RYK: variants seen among roughly 807,000 people sequenced by gnomAD.
The protein encoded by RYK is receptor like tyrosine kinase, also known as inactive tyrosine-protein kinase RYK.
Under a neutral mutation model 70.2 loss-of-function variants are expected in RYK, and 21 were observed. That is an observed-to-expected ratio of 0.30 (90% CI 0.21 to 0.43). The LOEUF is 0.43. Among genes scored for constraint, RYK ranks in the 20% least tolerant of loss-of-function variants. The probability of loss-of-function intolerance (pLI) is 1.00; values close to 1 mark genes in which losing one functional copy is unlikely to be tolerated. For missense variants in RYK, 604 were observed against 753.3 expected (o/e 0.80, Z 2.32); for synonymous variants, 267 against 278.0 (o/e 0.96, Z 0.39).
Position 134,191,919 on chromosome 3 carries a change from C to A in RYK, c.945G>T (p.Glu315Asp), listed in dbSNP as rs1444554525. The A allele has an allele frequency of 6.2e-7, 1 of 1,613,348 alleles. No individual in the cohort carries two copies. The highest frequency in any genetic ancestry group is 1.3e-5 in the African/African-American group (1 of 75,026). Reference sequence around the variant, plus strand: ...CTATATCCTTCACCTTGCCTTTGGCCTCCAAAAGAGTGACACTTCTCAAGT... The same window carrying A: ...CTATATCCTTCACCTTGCCTTTGGCATCCAAAAGAGTGACACTTCTCAAGT... The part of the protein sequence containing the change: ...KNDLRSVTLL[E>D]AKGKVKDIAI... The change falls in exon 8 of 15, where the codon GAG (glutamate) becomes GAT (aspartate). Residue 315 changes from glutamate to aspartate, a missense_variant. This residue lies in a region of RYK where 466 missense variants were observed against 535.9 expected (regional missense o/e 0.87). Coordinates refer to ENST00000623711, the MANE Select transcript of RYK (RefSeq NM_002958.4).
chr3:134,229,306 C>A (rs1576532546), intron 1 of RYK, among the ~76,000 whole-genome samples: 1 of 149,998 alleles, frequency 6.7e-6, no homozygotes, highest in African/African-American at 2.4e-5. Context: ...CTCTCTCTCT[C>A]TCTCTCTCTC....
intron 1 of RYK, among the ~76,000 whole-genome samples, chr3:134,224,501 C>T (rs751316699): frequency 1.2e-4 from 19 of 152,216 alleles, no homozygotes; most frequent in South Asian, 6.2e-4. Flanking sequence ...AGCATAGCAT[C>T]GCAGGGAGAC....
intron 4 of RYK, among the ~76,000 whole-genome samples, chr3:134,208,922 A>G (rs192512493): frequency 9.9e-5 from 15 of 151,290 alleles, no homozygotes; most frequent in African/African-American, 3.4e-4. Flanking sequence ...TTTAAAGTAT[A>G]TTTCCCCCCC....
At chr3:134,219,719 T>C (rs2014679338) in intron 2 of RYK, among the ~76,000 whole-genome samples, 1 of 152,140 alleles carries the variant, frequency 6.6e-6, no homozygotes, top group African/African-American at 2.4e-5. Flanking sequence ...AACTTAAAAT[T>C]CAGTAACAAC....
chr3:134,185,604 T>C (rs2013435884), intron 9 of RYK, among the ~76,000 whole-genome samples: 1 of 152,216 alleles, frequency 6.6e-6, no homozygotes, highest in African/African-American at 2.4e-5. Flanking sequence ...GTGGGATTTC[T>C]TAGTAAATAG....
At chr3:134,216,572 C>A (rs183876368) in intron 2 of RYK, among the ~76,000 whole-genome samples, 13 of 151,886 alleles carry the variant, frequency 8.6e-5, no homozygotes, top group African/African-American at 2.9e-4. Flanking sequence ...GCGGGTGGAT[C>A]ACGATGTGAG....
intron 4 of RYK, among the ~76,000 whole-genome samples, chr3:134,208,018 AAAGT>A (rs1294762988): frequency 6.6e-6 from 1 of 152,232 alleles, no homozygotes; most frequent in Non-Finnish European, 1.5e-5. Context: ...ATCACATAAT[AAAGT>A]AAGAGTCATG....
intron 8 of RYK, among the ~76,000 whole-genome samples, chr3:134,191,440 TG>T (rs1228733301): frequency 1.3e-5 from 2 of 152,192 alleles, no homozygotes; most frequent in African/African-American, 4.8e-5. Flanking sequence ...GAATAAAATG[TG>T]GGATTGGAAC....
At chr3:134,190,940 G>A (rs753941363) in intron 8 of RYK, among the ~76,000 whole-genome samples, 53 of 152,110 alleles carry the variant, frequency 3.5e-4, no homozygotes, top group Non-Finnish European at 6.8e-4. Flanking sequence ...CTATTAACAA[G>A]TGGCAATCAT....
Position 134,250,476 on chromosome 3 carries a change from G to A in RYK, c.179C>T (p.Ala60Val). ...PRPPELQSAS[A>V]GPSVSLYLSE... ...CAGGTAGAGACTCACGCTGGGCCCC[G>A]CGGAAGCCGACTGCAGCTCCGGGGG... Residue 60 changes from alanine (A) to valine (V), a missense_variant, in exon 1 of 15, where the codon GCG becomes GTG. Physicochemically the swap from Ala to Val is moderately conservative, Grantham distance 64. Around this residue, in one of 2 missense-constraint regions of RYK, gnomAD observed 466 missense variants for 535.9 expected, o/e 0.87. Coordinates refer to ENST00000623711, the MANE Select transcript of RYK (RefSeq NM_002958.4). The A allele has an allele frequency of 2.2e-6, 3 of 1,361,306 alleles. No homozygotes were observed. Among genetic ancestry groups the A allele is most frequent in the South Asian group, 3.5e-5 (2 of 57,532 alleles). 84.3% of individuals were successfully genotyped at this position (1,361,306 alleles called of 1,614,324 possible).
intron 7 of RYK, among the ~76,000 whole-genome samples, chr3:134,192,362 A>C (rs1324695284): frequency 1.3e-5 from 2 of 152,034 alleles, no homozygotes; most frequent in Non-Finnish European, 2.9e-5. Flanking sequence ...ATAACACACC[A>C]ACTTTTCAAA....
chr3:134,236,926 TTCA>T (rs2015212086), intron 1 of RYK, among the ~76,000 whole-genome samples: 1 of 152,208 alleles, frequency 6.6e-6, no homozygotes, highest in African/African-American at 2.4e-5. Context: ...ATGAAAATAC[TTCA>T]GCTGTTCAGT....
intron 1 of RYK, among the ~76,000 whole-genome samples, chr3:134,243,984 T>C (rs139070354): frequency 1.3e-5 from 2 of 152,354 alleles, no homozygotes; most frequent in African/African-American, 4.8e-5. Context: ...CAAAAAAATT[T>C]TCTGGACTGA....
At chr3:134,186,878 A>C (rs1242617150) in intron 9 of RYK, among the ~76,000 whole-genome samples, 1 of 149,382 alleles carries the variant, frequency 6.7e-6, no homozygotes, top group Non-Finnish European at 1.5e-5. Context: ...ATTTGAATTA[A>C]GGAGTTTCCT....
At chr3:134,209,413 T>C (rs1456646950) in intron 4 of RYK, among the ~76,000 whole-genome samples, 1 of 152,228 alleles carries the variant, frequency 6.6e-6, no homozygotes, top group Admixed American at 6.5e-5. Context: ...AGATTTTTCT[T>C]ATTTCTTTAC....
chr3:134,222,677 C>A (rs2014778061), intron 1 of RYK, 138 bp from the exon 2 acceptor site: 7 of 671,042 alleles, frequency 1.0e-5, no homozygotes, highest in Non-Finnish European at 1.5e-5. Flanking sequence ...ACATGGGCTG[C>A]CTTATGAAGC....
intron 1 of RYK, among the ~76,000 whole-genome samples, chr3:134,244,159 C>T (rs1391501877): frequency 1.3e-5 from 2 of 152,150 alleles, no homozygotes; most frequent in Non-Finnish European, 2.9e-5. Flanking sequence ...CCCCTGACCC[C>T]TATCACCACC....
chr3:134,205,930 T>C (rs533360406), intron 5 of RYK, among the ~76,000 whole-genome samples: 3 of 152,162 alleles, frequency 2.0e-5, no homozygotes, highest in Non-Finnish European at 2.9e-5. Context: ...ACTGGGTGGA[T>C]GAATAAATAG....
chr3:134,162,571 C>A (rs2012515696), intron 13 of RYK, among the ~76,000 whole-genome samples: 1 of 152,028 alleles, frequency 6.6e-6, no homozygotes, highest in Non-Finnish European at 1.5e-5. Context: ...TTCTATTCTG[C>A]TTAAAAATGG....
Sources: gnomAD v4.1 joint callset for allele counts (sites outside exome capture counted in the v4.1 genomes callset) on GRCh38, gnomAD v4.1.1 for gene constraint, gnomAD v4.1.1 regional missense constraint, MANE v1.5 for transcripts, NCBI Gene and HGNC (gene_info 2026-07-23, HGNC 2026-07-21) for gene names.